SMARCA2: variants seen among roughly 807,000 people sequenced by gnomAD.
The protein encoded by SMARCA2 is SWI/SNF related BAF chromatin remodeling complex subunit ATPase 2, also known as SWI/SNF-related matrix-associated actin-dependent regulator of chromatin subfamily A member 2.
A neutral mutation model predicts 199.8 loss-of-function variants in SMARCA2; 61 were observed. The ratio of observed to expected loss-of-function variants is 0.31; its 90% CI spans 0.25 to 0.38. The LOEUF (loss-of-function observed/expected upper bound fraction) is 0.38, where lower values mean the gene tolerates loss of function less well. SMARCA2 is among the 10% of genes least tolerant of loss of function. The probability of loss-of-function intolerance (pLI) is 1.00; values close to 1 mark genes in which losing one functional copy is unlikely to be tolerated. For synonymous variants in SMARCA2, 935 were observed against 732.0 expected (o/e 1.28, Z -4.48); for missense variants, 1,344 against 2,012.2 (o/e 0.67, Z 6.35).
chr9:2,072,231 T>C (rs1305983140), intron 10 of SMARCA2, among the ~76,000 whole-genome samples: 1 of 152,232 alleles, frequency 6.6e-6, no homozygotes, highest in African/African-American at 2.4e-5. Flanking sequence ...TTCAATTTTA[T>C]CACTTTTCAG....
Position 2,083,336 on chromosome 9 carries a change from T to C in SMARCA2, c.2349-11T>C. 1.3e-6 allele frequency: 2 copies of C among 1,537,180 alleles called. No homozygotes were observed. The highest frequency in any genetic ancestry group is 1.8e-6 in the Non-Finnish European group (2 of 1,139,398). On this transcript the variant is annotated splice_polypyrimidine_tract_variant and intron_variant, in intron 15 of 33. Transcript: ENST00000349721. ...GTCTTTTTTCTGTTGTTTTTTTTTTTTGTTCCATAGGACTCTATCTAACTG... is the reference window on the plus strand; with the variant it reads ...GTCTTTTTTCTGTTGTTTTTTTTTTCTGTTCCATAGGACTCTATCTAACTG...
Position 2,077,671 on chromosome 9 carries a change from C to T in SMARCA2, c.2079C>T (p.Tyr693=). ...TGGATGATGAATACAGCATGCAGTACAGTGCCAGGGGCTCCCAGTCCTACT... is the reference window on the plus strand; with the variant it reads ...TGGATGATGAATACAGCATGCAGTATAGTGCCAGGGGCTCCCAGTCCTACT... ...QDVDDEYSMQ[Y]SARGSQSYYT... Residue 693 remains tyrosine, a synonymous_variant, in exon 14 of 34, where the codon TAC becomes TAT. Transcript: ENST00000349721. 6.2e-7 allele frequency: 1 copy of T among 1,614,080 alleles called. No individual in the cohort carries two copies. Among genetic ancestry groups the T allele is most frequent in the Non-Finnish European group, 8.5e-7 (1 of 1,179,958 alleles).
At chr9:2,147,588 G>A (rs1376985704) in intron 27 of SMARCA2, among the ~76,000 whole-genome samples, 2 of 152,144 alleles carry the variant, frequency 1.3e-5, no homozygotes, top group Non-Finnish European at 2.9e-5. Flanking sequence ...GCTCACGCCT[G>A]TAATCCTAGC....
At chr9:2,134,639 G>A (rs1011836966) in intron 27 of SMARCA2, among the ~76,000 whole-genome samples, 1 of 152,196 alleles carries the variant, frequency 6.6e-6, no homozygotes, top group African/African-American at 2.4e-5. Context: ...ATCTTGGACA[G>A]GTCTCCTGAC....
rs1017976577 is a variant in SMARCA2, at chr9:2,047,320, C to G, written c.882C>G (p.Ala294=). 24 of 1,051,866 alleles carry G rather than the reference C, an allele frequency of 2.3e-5. No homozygotes were observed. In the African/African-American group the frequency reaches 4.0e-4, roughly 18 times the overall value. 65.2% of individuals were successfully genotyped at this position (1,051,866 alleles called of 1,614,324 possible). A position where few individuals can be genotyped will look rare whatever the true frequency, so the allele number is the denominator to read the frequency against. Residue 294 remains alanine, a synonymous_variant, in exon 5 of 34, where the codon GCC becomes GCG. Coordinates refer to ENST00000349721, the MANE Select transcript of SMARCA2 (RefSeq NM_003070.5). ...GGCCCTCGCCCGCGCCCCCCGCAGCCGCGCAGCCGCCCGCGGCCGCAGTGC... is the reference window on the plus strand; with the variant it reads ...GGCCCTCGCCCGCGCCCCCCGCAGCGGCGCAGCCGCCCGCGGCCGCAGTGC... ...GGRPSPAPPA[A]AQPPAAAVPG...
At chr9:2,190,196 T>C (rs1827780759) in intron 32 of SMARCA2, among the ~76,000 whole-genome samples, 1 of 152,230 alleles carries the variant, frequency 6.6e-6, no homozygotes, top group Admixed American at 6.5e-5. Context: ...AATAGTCCTG[T>C]GAAGGTGGAA....
At chr9:2,091,820 G>T (rs747568317) in intron 19 of SMARCA2, among the ~76,000 whole-genome samples, 1 of 152,182 alleles carries the variant, frequency 6.6e-6, no homozygotes, top group Non-Finnish European at 1.5e-5. Context: ...GTGGCGTCTT[G>T]TAACTTTGAT....
At chr9:2,160,737 G>GAAA (rs1491395178) in intron 27 of SMARCA2, 2 of 328,508 alleles carry the variant, frequency 6.1e-6, no homozygotes, top group Non-Finnish European at 1.1e-5. Flanking sequence ...TATTTTGTGT[G>GAAA]AGAGAGCAAT....
At chr9:2,093,427 G>A (rs766513690) in intron 19 of SMARCA2, among the ~76,000 whole-genome samples, 5 of 152,174 alleles carry the variant, frequency 3.3e-5, no homozygotes, top group Non-Finnish European at 7.4e-5. Flanking sequence ...GTCATGTGCT[G>A]GGAGTACACT....
At chr9:2,061,916 G>A (rs1282802443) in intron 9 of SMARCA2, among the ~76,000 whole-genome samples, 2 of 152,192 alleles carry the variant, frequency 1.3e-5, no homozygotes, top group Non-Finnish European at 2.9e-5. Flanking sequence ...GATTTCTTTA[G>A]TATAAGATAG....
intron 4 of SMARCA2, chr9:2,042,488 G>A (rs1404272069): frequency 1.3e-5 from 2 of 152,186 alleles, no homozygotes; most frequent in African/African-American, 2.4e-5. Flanking sequence ...AGAATGATTT[G>A]TTTGAGAAAC....
chr9:2,184,353 CTTT>C (rs1199876121), intron 31 of SMARCA2, among the ~76,000 whole-genome samples: 4 of 129,428 alleles, frequency 3.1e-5, no homozygotes, highest in African/African-American at 6.0e-5. Context: ...AGGATAATAT[CTTT>C]TTTTTTTTTT....
chr9:2,086,753 C>A lies in SMARCA2; in HGVS notation c.2527-76C>A. On this transcript the variant is annotated intron_variant, in intron 17 of 33. Coordinates refer to ENST00000349721, the MANE Select transcript of SMARCA2 (RefSeq NM_003070.5). The surrounding 1 kb of genome is among the most constrained non-coding windows in gnomAD (Gnocchi z 4.3). ...CAAGGATGGGTTCTTTGGTTTTCCG[C>A]ACCACCACTTGCTTGTTGGAAATAG... The A allele has an allele frequency of 6.5e-7, 1 of 1,549,794 alleles. No homozygotes were observed. The highest frequency in any genetic ancestry group is 8.8e-7 in the Non-Finnish European group (1 of 1,135,412).
chr9:2,131,560 T>A (rs1823950302), intron 27 of SMARCA2, among the ~76,000 whole-genome samples: 2 of 152,164 alleles, frequency 1.3e-5, no homozygotes, highest in African/African-American at 4.8e-5. Flanking sequence ...CCTTGACCAG[T>A]CTGTCACCAG....
At chr9:2,091,726 A>G (rs1822070842) in intron 19 of SMARCA2, among the ~76,000 whole-genome samples, 1 of 152,242 alleles carries the variant, frequency 6.6e-6, no homozygotes, top group Non-Finnish European at 1.5e-5. Flanking sequence ...CCAGAAATAT[A>G]TGACCATTCC....
At chr9:2,038,946 G>A (rs1298334376) in intron 3 of SMARCA2, among the ~76,000 whole-genome samples, 2 of 152,146 alleles carry the variant, frequency 1.3e-5, no homozygotes, top group South Asian at 2.1e-4. Context: ...GATATATCAG[G>A]TTATGTTCTC....
At chr9:2,171,542 G>C (rs1165391598) in intron 29 of SMARCA2, among the ~76,000 whole-genome samples, 1 of 152,204 alleles carries the variant, frequency 6.6e-6, no homozygotes, top group Non-Finnish European at 1.5e-5. Context: ...TTGCAGTCCA[G>C]TAAACAATGA....
intron 22 of SMARCA2, among the ~76,000 whole-genome samples, chr9:2,103,543 G>T (rs889889071): frequency 6.6e-6 from 1 of 152,006 alleles, no homozygotes; most frequent in African/African-American, 2.4e-5. Flanking sequence ...TGATCAGTAA[G>T]TATTTAGATG....
At chr9:2,112,101 T>C (rs1426472875) in intron 24 of SMARCA2, among the ~76,000 whole-genome samples, 1 of 152,222 alleles carries the variant, frequency 6.6e-6, no homozygotes, top group African/African-American at 2.4e-5. Flanking sequence ...TTTTTCTTTT[T>C]AGCATTATGG....
Sources: gnomAD v4.1 joint callset for allele counts (sites outside exome capture counted in the v4.1 genomes callset) on GRCh38, gnomAD v4.1.1 for gene constraint, Gnocchi (gnomAD v3.1) non-coding constraint, MANE v1.5 for transcripts, NCBI Gene and HGNC (gene_info 2026-07-23, HGNC 2026-07-21) for gene names.